Variants in CSF2RA observed in about 807,000 individuals in gnomAD.
CSF2RA encodes granulocyte-macrophage colony-stimulating factor receptor subunit alpha.
In CSF2RA, 42 loss-of-function variants were observed where a neutral mutation model predicts 51.6. That is an observed-to-expected ratio of 0.81 (90% CI 0.64 to 1.05). CSF2RA has a LOEUF of 1.05. Among genes scored for constraint, CSF2RA ranks in the 50% least tolerant of loss-of-function variants. The probability of loss-of-function intolerance (pLI) is 0.00; values close to 1 mark genes in which losing one functional copy is unlikely to be tolerated. For synonymous variants in CSF2RA, 222 were observed against 193.0 expected, an observed-to-expected ratio of 1.15 and a Z score of -1.24; for missense variants, 530 against 501.1, an observed-to-expected ratio of 1.06 and a Z score of -0.55.
chrX:1,277,337 C>G (rs760388366), intron 2 of CSF2RA, among the ~76,000 whole-genome samples: 1 of 151,828 alleles, frequency 6.6e-6, no homozygotes, highest in Non-Finnish European at 1.5e-5. Context: ...GTGGCTCACA[C>G]CTGTAATCCC....
the CSF2RA span, among the ~76,000 whole-genome samples, chrX:1,323,819 C>T: frequency 6.6e-6 from 1 of 151,438 alleles, no homozygotes; most frequent in South Asian, 2.1e-4. Context: ...TCGAAACCAT[C>T]CTGGCTAACA....
chrX:1,317,463 C>G, the CSF2RA span, among the ~76,000 whole-genome samples: 5 of 145,076 alleles, frequency 3.4e-5, no homozygotes, highest in African/African-American at 5.1e-5. Context: ...ATCAGTCAGG[C>G]TGGTCTCGAA....
At chrX:1,319,874 C>T in the CSF2RA span, among the ~76,000 whole-genome samples, 2 of 140,460 alleles carry the variant, frequency 1.4e-5, no homozygotes, top group Non-Finnish European at 3.1e-5. Context: ...GCCACCACGC[C>T]TGGCTAATTT....
intron 10 of CSF2RA, among the ~76,000 whole-genome samples, chrX:1,302,159 G>A (rs1159016421): frequency 6.6e-6 from 1 of 151,810 alleles, no homozygotes; most frequent in African/African-American, 2.4e-5. Context: ...CAGGTGATCT[G>A]CCCACCTCGC....
At chrX:1,271,850 G>A (rs569375164) in intron 1 of CSF2RA, among the ~76,000 whole-genome samples, 6 of 152,048 alleles carry the variant, frequency 3.9e-5, no homozygotes, top group Non-Finnish European at 5.9e-5. Flanking sequence ...GTTTAAACTC[G>A]AGAAGCTCTT....
At chrX:1,316,712 A>G in the CSF2RA span, among the ~76,000 whole-genome samples, 1 of 152,186 alleles carries the variant, frequency 6.6e-6, no homozygotes, top group Non-Finnish European at 1.5e-5. Context: ...AATGAGATCA[A>G]CAGCACCACC....
At chrX:1,323,154 C>A in the CSF2RA span, among the ~76,000 whole-genome samples, 3 of 40,100 alleles carry the variant, frequency 7.5e-5, no homozygotes, top group Non-Finnish European at 2.0e-4. Flanking sequence ...CAATACATTA[C>A]AATTATAAAA....
downstream of CSF2RA, among the ~76,000 whole-genome samples, chrX:1,314,514 G>T (rs1465390957): frequency 7.0e-5 from 8 of 113,478 alleles, no homozygotes; most frequent in African/African-American, 2.1e-4. Context: ...CAACCGCACT[G>T]CACCTGCCCA....
chrX:1,273,767 A>T (rs56125378), intron 1 of CSF2RA, among the ~76,000 whole-genome samples: 43,634 of 132,210 alleles, frequency 0.33, 7,495 homozygotes, highest in African/African-American at 0.51. Flanking sequence ...TTTTTTTTGT[A>T]TTTTTTTTTT....
At chrX:1,283,099 C>CTTCCTTCG (rs756495435) in intron 3 of CSF2RA, among the ~76,000 whole-genome samples, 7 of 150,552 alleles carry the variant, frequency 4.6e-5, no homozygotes, top group African/African-American at 1.2e-4. Context: ...GTGTTCCTTC[C>CTTCCTTCG]TTCCTTCGTT....
chrX:1,279,824 C>G (rs1283816850), intron 2 of CSF2RA, among the ~76,000 whole-genome samples: 1 of 151,784 alleles, frequency 6.6e-6, no homozygotes, highest in African/African-American at 2.4e-5. Flanking sequence ...GAGTCTCCCT[C>G]TGTCACCCAG....
rs1471192331 is a variant in CSF2RA at position 1,305,864 on chromosome X, T to C, written c.1125+337T>C. 24 of 1,403,966 alleles carry C rather than the reference T, an allele frequency of 1.7e-5. 1 individual carries two copies. In the Admixed American group the frequency reaches 4.8e-4, roughly 28 times the overall value. The allele number at this position is 1,403,966 out of a possible 1,614,324, so 87.0% of individuals were successfully genotyped here. The stretch of plus-strand genomic sequence containing the variant: ...GGGAGGTTGAGGCATGTGGATCATC[T>C]GAGGTCAGAGGTTCGAGACCAGCCT... On this transcript the variant is annotated intron_variant, in intron 12 of 12. Transcript: ENST00000381529.
the CSF2RA span, among the ~76,000 whole-genome samples, chrX:1,321,997 T>A: frequency 6.6e-6 from 1 of 151,942 alleles, no homozygotes; most frequent in Admixed American, 6.6e-5. Context: ...TACCCCGGCA[T>A]GGTGGCTCAT....
chrX:1,306,005 C>G, intron 12 of CSF2RA: 1 of 533,972 alleles, frequency 1.9e-6, no homozygotes. Flanking sequence ...CGGCTTGAAC[C>G]CAGGGGGCGG....
At chrX:1,323,748 C>T in the CSF2RA span, among the ~76,000 whole-genome samples, 2 of 152,028 alleles carry the variant, frequency 1.3e-5, no homozygotes, top group Non-Finnish European at 2.9e-5. Context: ...GGCGCAGTGG[C>T]TCACGCCTGT....
At position 1,288,900 on chromosome X, in the gene CSF2RA, C is replaced by G. The variant is rs769676035; in HGVS notation, c.473+12C>G. The G allele has an allele frequency of 5.7e-6, 9 of 1,574,938 alleles. No individual in the cohort carries two copies. The highest frequency in any genetic ancestry group is 7.8e-6 in the Non-Finnish European group (9 of 1,156,612). On this transcript the variant is annotated intron_variant, in intron 6 of 12. Transcript: ENST00000381529. ...ATACGAAACTCAAAGTAAGTGTTCA[C>G]CTCATGTGAAGAATTATGAGGAATG...
At chrX:1,282,827 T>A in intron 3 of CSF2RA, 48 bp downstream of exon 3, 1 of 1,497,256 alleles carries the variant, frequency 6.7e-7, no homozygotes, top group Non-Finnish European at 9.3e-7. Context: ...CCTGTTTAGA[T>A]GTCCTGCATC....
In CSF2RA at chrX:1,285,665, G is replaced by A. The variant is rs1221519383; in HGVS notation, c.77-113G>A. ...TGCAGTGACCTGAGATCACAGCACTGCACTCCAGCCTGGGAGACAAAGCCA... is the reference window on the plus strand; with the variant it reads ...TGCAGTGACCTGAGATCACAGCACTACACTCCAGCCTGGGAGACAAAGCCA... On this transcript the variant is annotated intron_variant, in intron 3 of 12. Transcript: ENST00000381529. The A allele has an allele frequency of 3.2e-6, 4 of 1,263,182 alleles. No individual in the cohort carries two copies. In the South Asian group the frequency reaches 4.0e-5, roughly 13 times the overall value. The allele number at this position is 1,263,182 out of a possible 1,614,324, so 78.2% of individuals were successfully genotyped here. A position where few individuals can be genotyped will look rare whatever the true frequency, so the allele number is the denominator to read the frequency against.
intron 9 of CSF2RA, among the ~76,000 whole-genome samples, chrX:1,299,940 G>A (rs1264645568): frequency 2.0e-5 from 3 of 150,898 alleles, no homozygotes; most frequent in Non-Finnish European, 4.4e-5. Context: ...AAAAGAGGCC[G>A]GGCGTGGTGG....
Sources: allele counts gnomAD v4.1 joint callset (sites outside exome capture counted in the v4.1 genomes callset), GRCh38; gene constraint gnomAD v4.1.1; transcripts MANE v1.5; gene names NCBI Gene and HGNC (gene_info 2026-07-23, HGNC 2026-07-21).